The following SOX5 variants were observed in gnomAD, a reference collection of about 807,000 sequenced individuals.
SOX5 encodes SRY-box transcription factor 5.
A neutral mutation model predicts 92.0 loss-of-function variants in SOX5; 9 were observed. The observed-to-expected ratio is 0.10, with a 90% CI of 0.06 to 0.17. SOX5 has a LOEUF of 0.17. Among genes scored for constraint, SOX5 ranks in the 10% least tolerant of loss-of-function variants. The pLI is 1.00. For missense variants in SOX5, 642 were observed against 944.5 expected, an observed-to-expected ratio of 0.68 and a Z score of 4.20; for synonymous variants, 344 against 336.3, an observed-to-expected ratio of 1.02 and a Z score of -0.25.
intron 11 of SOX5, among the ~76,000 whole-genome samples, chr12:23,551,242 T>C (rs74763152): frequency 0.014 from 2,061 of 152,026 alleles, 48 homozygotes; most frequent in African/African-American, 0.047. Flanking sequence ...CCTCCAATTA[T>C]GTGAACCTCA....
At chr12:24,060,161 A>C (rs1032585651) in intron 4 of SOX5, among the ~76,000 whole-genome samples, 13 of 152,226 alleles carry the variant, frequency 8.5e-5, no homozygotes, top group African/African-American at 2.9e-4. Flanking sequence ...TTTATTGAGC[A>C]TCTATTGTGT....
chr12:24,003,039 T>C (rs548846644), intron 4 of SOX5, among the ~76,000 whole-genome samples: 1 of 152,174 alleles, frequency 6.6e-6, no homozygotes, highest in Admixed American at 6.5e-5. Context: ...ATACACCATA[T>C]TAATAGAACA....
At chr12:23,546,826 T>C (rs1417047077) in intron 11 of SOX5, among the ~76,000 whole-genome samples, 1 of 152,186 alleles carries the variant, frequency 6.6e-6, no homozygotes, top group Admixed American at 6.5e-5. Flanking sequence ...AGTCTTCCAA[T>C]AGTCAGGTGA....
At chr12:24,035,148 T>C (rs1405476350) in intron 4 of SOX5, among the ~76,000 whole-genome samples, 1 of 152,132 alleles carries the variant, frequency 6.6e-6, no homozygotes, top group African/African-American at 2.4e-5. Flanking sequence ...TTTGTGAGCA[T>C]GTTTTAAGTG....
At chr12:24,106,307 TTCC>T (rs1403568377) in intron 4 of SOX5, among the ~76,000 whole-genome samples, 2 of 152,136 alleles carry the variant, frequency 1.3e-5, no homozygotes, top group African/African-American at 2.4e-5. Context: ...AAGAAGAATC[TTCC>T]TCAAGTCATT....
intron 11 of SOX5, among the ~76,000 whole-genome samples, chr12:23,547,838 C>T (rs902985801): frequency 2.6e-5 from 4 of 152,006 alleles, no homozygotes; most frequent in African/African-American, 4.8e-5. Flanking sequence ...GAATCTGACT[C>T]GATTTGTTTT....
chr12:23,598,559 C>T (rs1045117251), intron 9 of SOX5, among the ~76,000 whole-genome samples: 10 of 151,524 alleles, frequency 6.6e-5, no homozygotes, highest in East Asian at 3.9e-4. Context: ...CCACCACGCC[C>T]GGCTAATTTT....
At chr12:23,584,579 AAC>A in intron 9 of SOX5, 3 of 1,611,086 alleles carry the variant, frequency 1.9e-6, no homozygotes, top group East Asian at 2.2e-5. Context: ...ACAAATCTCC[AAC>A]AGTCTGGTGA....
intron 4 of SOX5, among the ~76,000 whole-genome samples, chr12:24,179,943 T>TAA (rs10711734): frequency 1.4e-5 from 2 of 142,804 alleles, no homozygotes; most frequent in African/African-American, 2.6e-5. Flanking sequence ...TTTTTTTTAT[T>TAA]AAAAAAAAAA....
At chr12:23,723,392 C>A (rs1253435422) in intron 6 of SOX5, among the ~76,000 whole-genome samples, 1 of 151,670 alleles carries the variant, frequency 6.6e-6, no homozygotes, top group African/African-American at 2.4e-5. Context: ...GAGAAAGGAA[C>A]TATGTATGGG....
intron 3 of SOX5, among the ~76,000 whole-genome samples, chr12:24,259,307 C>T (rs1568562): frequency 0.96 from 145,826 of 152,264 alleles, 70,153 homozygotes; most frequent in East Asian, 1. Context: ...GCACTGTTAT[C>T]GTGTTTAAAT....
chr12:23,778,631 G>A (rs1234657855), intron 3 of SOX5, among the ~76,000 whole-genome samples: 2 of 152,210 alleles, frequency 1.3e-5, no homozygotes, highest in Admixed American at 1.3e-4. Flanking sequence ...ATCAGGAAAT[G>A]TATATAAGCA....
At chr12:24,329,984 T>C (rs538760045) in intron 2 of SOX5, among the ~76,000 whole-genome samples, 1 of 152,196 alleles carries the variant, frequency 6.6e-6, no homozygotes, top group South Asian at 2.1e-4. Context: ...GATCGTGCCA[T>C]TGCCCTCCAG....
In SOX5 at chr12:23,533,356, A is replaced by T. The variant is rs1005727792; in HGVS notation, c.*863T>A. The T allele has an allele frequency of 2.1e-5, 4 of 186,610 alleles. No homozygotes were observed. Among genetic ancestry groups the T allele is most frequent in the African/African-American group, 2.5e-5 (1 of 39,586 alleles). The allele number at this position is 186,610 out of a possible 1,614,324, so 11.6% of individuals were successfully genotyped here. A position where few individuals can be genotyped will look rare whatever the true frequency, so the allele number is the denominator to read the frequency against. On this transcript the variant is annotated 3_prime_UTR_variant, in exon 15 of 15. Coordinates refer to ENST00000451604, the MANE Select transcript of SOX5 (RefSeq NM_006940.6). ...GAGAACAGCACCTACAGTTTCCATT[A>T]AAAAAAAAAGTCAAATCTCACCAGC...
intron 1 of SOX5, among the ~76,000 whole-genome samples, chr12:24,537,550 C>A (rs1376341863): frequency 6.6e-6 from 1 of 152,192 alleles, no homozygotes; most frequent in Admixed American, 6.5e-5. Context: ...GAACCACACA[C>A]CTCAGGGTCA....
chr12:24,496,080 A>G (rs576436309), intron 1 of SOX5, among the ~76,000 whole-genome samples: 1 of 152,320 alleles, frequency 6.6e-6, no homozygotes, highest in African/African-American at 2.4e-5. Context: ...TCTCATAACT[A>G]AACAGAGTTG....
chr12:24,376,677 A>C (rs1957291331), intron 1 of SOX5, among the ~76,000 whole-genome samples: 2 of 120,462 alleles, frequency 1.7e-5, no homozygotes, highest in South Asian at 3.1e-4. Context: ...GAATGATGCT[A>C]TGGGAGAGAT....
chr12:23,832,388 T>C (rs1310083432), intron 3 of SOX5, among the ~76,000 whole-genome samples: 17 of 152,226 alleles, frequency 1.1e-4, no homozygotes, highest in Admixed American at 6.6e-4. Context: ...CTTGACTACC[T>C]ATCCTAAATT....
intron 1 of SOX5, among the ~76,000 whole-genome samples, chr12:24,452,468 G>C (rs1209049361): frequency 2.6e-5 from 4 of 152,132 alleles, no homozygotes; most frequent in African/African-American, 9.7e-5. Context: ...GAGGGTGGGA[G>C]GCATTCTTAC....
Sources: gnomAD v4.1 joint callset for allele counts (sites outside exome capture counted in the v4.1 genomes callset) on GRCh38, gnomAD v4.1.1 for gene constraint, MANE v1.5 for transcripts, NCBI Gene and HGNC (gene_info 2026-07-23, HGNC 2026-07-21) for gene names.